Variants in CFAP418 observed in about 807,000 individuals in gnomAD.
The protein encoded by CFAP418 is cilia- and flagella-associated protein 418.
A neutral mutation model predicts 24.7 loss-of-function variants in CFAP418; 27 were observed. That is an observed-to-expected ratio of 1.09 (90% CI 0.81 to 1.51). The LOEUF (loss-of-function observed/expected upper bound fraction) is 1.51. CFAP418 is among the 40% of genes most tolerant of loss of function. The pLI is 0.00. For missense variants in CFAP418, 257 were observed against 255.2 expected, an observed-to-expected ratio of 1.01 and a Z score of -0.05; for synonymous variants, 74 against 87.3, an observed-to-expected ratio of 0.85 and a Z score of 0.85.
chr8:95,254,822 C>T (rs529535469), intron 4 of CFAP418, among the ~76,000 whole-genome samples: 2 of 152,310 alleles, frequency 1.3e-5, no homozygotes, highest in Admixed American at 6.5e-5. Flanking sequence ...TAATAGAAAG[C>T]ATAATGGATT....
At chr8:95,266,995 A>C (rs1029860010) in intron 1 of CFAP418, among the ~76,000 whole-genome samples, 1 of 152,194 alleles carries the variant, frequency 6.6e-6, no homozygotes, top group Non-Finnish European at 1.5e-5. Context: ...TCCTTGATAG[A>C]CTAGTTCTAT....
intron 5 of CFAP418, among the ~76,000 whole-genome samples, chr8:95,250,762 A>T (rs1262298678): frequency 1.3e-5 from 2 of 152,202 alleles, no homozygotes; most frequent in Non-Finnish European, 2.9e-5. Flanking sequence ...GGAAACTGTA[A>T]AATTTTTCAA....
intron 4 of CFAP418, among the ~76,000 whole-genome samples, chr8:95,253,301 C>T (rs958863586): frequency 3.3e-5 from 5 of 149,414 alleles, no homozygotes; most frequent in Admixed American, 3.3e-4. Context: ...CAAAGCGAGA[C>T]TCTGTCTCAA....
At chr8:95,262,538 A>AT (rs1021798255) in intron 2 of CFAP418, among the ~76,000 whole-genome samples, 136 of 152,294 alleles carry the variant, frequency 8.9e-4, no homozygotes, top group African/African-American at 3.2e-3. Context: ...TTAGACTTCT[A>AT]TTTTTGTATC....
chr8:95,255,792 G>A (rs13272104), intron 4 of CFAP418, among the ~76,000 whole-genome samples: 9,554 of 152,256 alleles, frequency 0.063, 388 homozygotes, highest in Non-Finnish European at 0.088. Context: ...CTCTTGTGGA[G>A]CAGGTAAGTC....
intron 5 of CFAP418, among the ~76,000 whole-genome samples, chr8:95,248,120 G>C (rs1339469544): frequency 6.6e-6 from 1 of 152,104 alleles, no homozygotes; most frequent in African/African-American, 2.4e-5. Context: ...GAGATTGCAG[G>C]CATGAACCAT....
rs980935659 is a variant in CFAP418 at position 95,245,151 on chromosome 8, T to C, written c.*2466A>G. On this transcript the variant is annotated 3_prime_UTR_variant, in exon 6 of 6. Transcript: ENST00000286688. ...TTTTATAGGCTTTGCATTTTAAAAT[T>C]ATAGATGATTAGAAACTATACTTTT... is the stretch of plus-strand genomic sequence containing the variant. 3 of 152,098 alleles carry C rather than the reference T, an allele frequency of 2.0e-5. No homozygotes were observed. The highest frequency in any genetic ancestry group is 2.9e-5 in the Non-Finnish European group (2 of 68,030). The allele number at this position is 152,098 out of a possible 1,614,324, so 9.4% of individuals were successfully genotyped here.
In CFAP418 at chr8:95,263,712, T is replaced by C. The variant is rs765908663; in HGVS notation, c.218A>G (p.Glu73Gly). ...AGAGGGTTTTTTGTCCAAGTTGGGC[T>C]CTTCAAGTATTTCATTAATAAGACT... is the stretch of plus-strand genomic sequence containing the variant. ...LDSLINEILE[E>G]PNLDKKPSKL... Residue 73 changes from glutamate to glycine, a missense_variant, in exon 2 of 6, where the codon GAG becomes GGG. Transcript: ENST00000286688. 1 of 1,607,866 alleles carries C rather than the reference T, an allele frequency of 6.2e-7. No individual in the cohort carries two copies. Among genetic ancestry groups the C allele is most frequent in the Admixed American group, 1.7e-5 (1 of 59,956 alleles).
At chr8:95,257,432 C>G (rs1319506915) in intron 4 of CFAP418, among the ~76,000 whole-genome samples, 1 of 152,184 alleles carries the variant, frequency 6.6e-6, no homozygotes, top group Non-Finnish European at 1.5e-5. Context: ...CCTAATTTCA[C>G]TTTTGTCCTA....
chr8:95,266,640 T>G (rs929657554), intron 1 of CFAP418, among the ~76,000 whole-genome samples: 3 of 152,228 alleles, frequency 2.0e-5, no homozygotes, highest in Non-Finnish European at 2.9e-5. Context: ...TATAACATTA[T>G]AAACCAGGTT....
At chr8:95,257,276 T>C (rs1235457722) in intron 4 of CFAP418, among the ~76,000 whole-genome samples, 1 of 152,228 alleles carries the variant, frequency 6.6e-6, no homozygotes, top group Non-Finnish European at 1.5e-5. Context: ...TTTGTATCTC[T>C]AATTTTTTTG....
At chr8:95,261,778 C>T (rs1487094174) in intron 2 of CFAP418, among the ~76,000 whole-genome samples, 1 of 152,084 alleles carries the variant, frequency 6.6e-6, no homozygotes, top group Non-Finnish European at 1.5e-5. Flanking sequence ...ATCTTAAAGC[C>T]AAACCAGAGA....
chr8:95,264,339 A>C (rs1037028599), intron 1 of CFAP418, among the ~76,000 whole-genome samples: 1 of 152,216 alleles, frequency 6.6e-6, no homozygotes, highest in Non-Finnish European at 1.5e-5. Flanking sequence ...AATATAAACC[A>C]CTACTGCATA....
At chr8:95,247,850 C>CTTTCT (rs1411169368) in intron 5 of CFAP418, 80 bp from the exon 6 acceptor site, 1 of 1,294,748 alleles carries the variant, frequency 7.7e-7, no homozygotes, top group Non-Finnish European at 1.1e-6. Flanking sequence ...AAGGTCATTG[C>CTTTCT]TTTCTTTTCT....
chr8:95,266,676 G>C (rs1253573320), intron 1 of CFAP418, among the ~76,000 whole-genome samples: 1 of 152,136 alleles, frequency 6.6e-6, no homozygotes, highest in East Asian at 1.9e-4. Context: ...ATAAGGTTTA[G>C]GCCCTTTGTT....
intron 1 of CFAP418, among the ~76,000 whole-genome samples, chr8:95,264,393 T>C (rs1188199073): frequency 1.3e-5 from 2 of 152,196 alleles, no homozygotes; most frequent in Non-Finnish European, 2.9e-5. Flanking sequence ...AATAACTAAA[T>C]AGTAAGTATT....
intron 5 of CFAP418, 142 bp from the exon 6 acceptor site, chr8:95,247,912 G>GA: frequency 1.2e-6 from 1 of 855,692 alleles, no homozygotes. Flanking sequence ...GGATTGCGGT[G>GA]GCACAATCAT....
intron 4 of CFAP418, among the ~76,000 whole-genome samples, chr8:95,258,761 AT>A (rs1454664227): frequency 6.6e-6 from 1 of 152,198 alleles, no homozygotes; most frequent in Non-Finnish European, 1.5e-5. Context: ...ATCTTTTACA[AT>A]GTATTTTTGC....
At chr8:95,267,141 T>C (rs868792554) in intron 1 of CFAP418, among the ~76,000 whole-genome samples, 23 of 152,252 alleles carry the variant, frequency 1.5e-4, no homozygotes, top group Admixed American at 2.6e-4. Flanking sequence ...GAGTGATATT[T>C]ACAACATCCA....
Sources: gnomAD v4.1 joint callset for allele counts (sites outside exome capture counted in the v4.1 genomes callset) on GRCh38, gnomAD v4.1.1 for gene constraint, MANE v1.5 for transcripts, NCBI Gene and HGNC (gene_info 2026-07-23, HGNC 2026-07-21) for gene names.